MAPK10: variants seen among roughly 807,000 people sequenced by gnomAD.
MAPK10 encodes mitogen-activated protein kinase 10.
MAPK10 carries 25 observed loss-of-function variants against 59.3 expected under a neutral mutation model. The observed-to-expected ratio is 0.42, with a 90% CI of 0.31 to 0.59. MAPK10 has a LOEUF of 0.59. Ranked by LOEUF, MAPK10 falls within the 20% of genes least tolerant of loss-of-function variation. MAPK10 has a pLI of 0.15. For synonymous variants in MAPK10, 190 were observed against 200.5 expected (o/e 0.95, Z 0.44); for missense variants, 351 against 568.9 (o/e 0.62, Z 3.90).
At chr4:86,349,870 T>C (rs758249732) in intron 2 of MAPK10, among the ~76,000 whole-genome samples, 1 of 151,832 alleles carries the variant, frequency 6.6e-6, no homozygotes, top group Non-Finnish European at 1.5e-5. Context: ...TCTTAAAGGA[T>C]GGAAAGGAGT....
intron 2 of MAPK10, among the ~76,000 whole-genome samples, chr4:86,208,007 C>G (rs1214138993): frequency 6.6e-6 from 1 of 152,020 alleles, no homozygotes; most frequent in African/African-American, 2.4e-5. Flanking sequence ...GGATAAATTC[C>G]TCGACACATA....
intron 2 of MAPK10, among the ~76,000 whole-genome samples, chr4:86,211,464 G>A (rs1037573833): frequency 6.6e-6 from 1 of 152,016 alleles, no homozygotes; most frequent in Non-Finnish European, 1.5e-5. Context: ...TGTCAACCAA[G>A]AATCTAATGT....
intron 1 of MAPK10, among the ~76,000 whole-genome samples, chr4:86,431,486 G>A (rs1748039982): frequency 6.6e-6 from 1 of 152,140 alleles, no homozygotes; most frequent in Non-Finnish European, 1.5e-5. Flanking sequence ...TATATTCATG[G>A]AAATTCACAT....
intron 2 of MAPK10, among the ~76,000 whole-genome samples, chr4:86,204,129 T>A (rs762118889): frequency 6.6e-6 from 1 of 152,076 alleles, no homozygotes; most frequent in South Asian, 2.1e-4. Context: ...AAGCCTAAGA[T>A]ACTTATTAGT....
intron 2 of MAPK10, among the ~76,000 whole-genome samples, chr4:86,318,621 C>T (rs1049603887): frequency 6.6e-6 from 1 of 152,104 alleles, no homozygotes; most frequent in Non-Finnish European, 1.5e-5. Flanking sequence ...CCTTGTCCCC[C>T]ATTTCCTTGC....
intron 4 of MAPK10, among the ~76,000 whole-genome samples, chr4:86,142,929 G>C (rs1335080387): frequency 6.6e-6 from 1 of 152,206 alleles, no homozygotes; most frequent in Non-Finnish European, 1.5e-5. Context: ...GAGGGCAGAA[G>C]AGAAATATTC....
intron 2 of MAPK10, among the ~76,000 whole-genome samples, chr4:86,340,002 T>C (rs1354002799): frequency 1.3e-5 from 2 of 152,208 alleles, no homozygotes; most frequent in African/African-American, 4.8e-5. Context: ...CAACAAATGA[T>C]AGAGTTAGAA....
chr4:86,569,300 C>G (rs550583025), intron 1 of MAPK10, among the ~76,000 whole-genome samples: 2 of 152,010 alleles, frequency 1.3e-5, no homozygotes, highest in Non-Finnish European at 2.9e-5. Flanking sequence ...CAAAAAACAA[C>G]AGGTGTTGAC....
intron 2 of MAPK10, among the ~76,000 whole-genome samples, chr4:86,215,392 AG>A (rs2087195265): frequency 6.6e-6 from 1 of 152,236 alleles, no homozygotes; most frequent in Admixed American, 6.5e-5. Flanking sequence ...AAGCAACAAA[AG>A]CAAAAATAGA....
chr4:86,088,400 GGT>G (rs1255324217), intron 9 of MAPK10, among the ~76,000 whole-genome samples: 4 of 152,060 alleles, frequency 2.6e-5, no homozygotes, highest in Non-Finnish European at 5.9e-5. Flanking sequence ...TGCCTAGGCT[GGT>G]CTCAAACTCC....
intron 2 of MAPK10, chr4:86,326,265 C>G (rs1191483407): frequency 1.3e-5 from 2 of 152,176 alleles, no homozygotes; most frequent in Non-Finnish European, 2.9e-5. Flanking sequence ...GCTGGCAAGA[C>G]TATGTGACTT....
chr4:86,193,487 C>T (rs1384523336), intron 3 of MAPK10: 2 of 152,334 alleles, frequency 1.3e-5, no homozygotes, highest in Non-Finnish European at 2.9e-5. Context: ...TCTGGCTACA[C>T]TGGCTTTGCT....
At chr4:86,465,336 T>C (rs1474156096) in intron 1 of MAPK10, among the ~76,000 whole-genome samples, 1 of 152,212 alleles carries the variant, frequency 6.6e-6, no homozygotes, top group Non-Finnish European at 1.5e-5. Context: ...TCTAGCTACA[T>C]TTTTCTCTGT....
intron 2 of MAPK10, among the ~76,000 whole-genome samples, chr4:86,275,310 T>A (rs1440701343): frequency 6.6e-6 from 1 of 152,060 alleles, no homozygotes; most frequent in Non-Finnish European, 1.5e-5. Context: ...GATGTTTCCT[T>A]GCTACAATGT....
chr4:86,047,278 G>T (rs927501859), intron 11 of MAPK10, among the ~76,000 whole-genome samples: 3 of 152,208 alleles, frequency 2.0e-5, no homozygotes, highest in South Asian at 4.1e-4. Context: ...GTCATAAAAG[G>T]CTTCTTTGAG....
At chr4:86,493,136 T>C (rs966328646) in intron 1 of MAPK10, among the ~76,000 whole-genome samples, 1 of 152,248 alleles carries the variant, frequency 6.6e-6, no homozygotes, top group Non-Finnish European at 1.5e-5. Flanking sequence ...TCACTGTTTC[T>C]GTACCTCACT....
intron 1 of MAPK10, among the ~76,000 whole-genome samples, chr4:86,409,574 C>T (rs1420430037): frequency 6.6e-6 from 1 of 152,140 alleles, no homozygotes; most frequent in African/African-American, 2.4e-5. Context: ...TCTTTTATTT[C>T]ATTGAACAAT....
chr4:86,060,403 G>A (rs2045510967), intron 11 of MAPK10, among the ~76,000 whole-genome samples: 1 of 152,016 alleles, frequency 6.6e-6, no homozygotes, highest in South Asian at 2.1e-4. Context: ...CAGAAATAAA[G>A]CTATTTAAAA....
chr4:86,358,114 C>T (rs1735445481), intron 1 of MAPK10: 1 of 985,268 alleles, frequency 1.0e-6, no homozygotes, highest in Non-Finnish European at 1.2e-6. Context: ...CCAAAGCATC[C>T]AGCCCCTAAA....
Sources: allele counts gnomAD v4.1 joint callset (sites outside exome capture counted in the v4.1 genomes callset), GRCh38; gene constraint gnomAD v4.1.1; transcripts MANE v1.5; gene names NCBI Gene and HGNC (gene_info 2026-07-23, HGNC 2026-07-21).